ODAD2: variants seen among roughly 807,000 people sequenced by gnomAD.
ODAD2 encodes the protein outer dynein arm-docking complex subunit 2.
In ODAD2, 89 loss-of-function variants were observed where a neutral mutation model predicts 106.8. That is an observed-to-expected ratio of 0.83 (90% CI 0.70 to 0.99). The LOEUF (loss-of-function observed/expected upper bound fraction) is 0.99, where lower values mean the gene tolerates loss of function less well. Ranked by LOEUF, ODAD2 falls within the 50% of genes least tolerant of loss-of-function variation. The pLI is 0.00. For missense variants in ODAD2, 1,168 were observed against 1,238.5 expected (o/e 0.94, Z 0.85); for synonymous variants, 404 against 436.2 (o/e 0.93, Z 0.92).
intron 1 of ODAD2, 64 bp downstream of exon 1, chr10:27,998,930 G>A (rs915051378): frequency 6.4e-6 from 1 of 156,216 alleles, no homozygotes; most frequent in African/African-American, 2.4e-5. Context: ...CCTCCCCCGG[G>A]CGCCGCCGCC....
chr10:27,885,663 T>A (rs1385990298), intron 17 of ODAD2, among the ~76,000 whole-genome samples: 15 of 52,402 alleles, frequency 2.9e-4, no homozygotes, highest in East Asian at 1.4e-3. Flanking sequence ...TATAATATAT[T>A]ATATATAAAA....
chr10:27,924,614 G>GAAAAAAAAA (rs60226782), intron 16 of ODAD2, among the ~76,000 whole-genome samples: 12 of 12,650 alleles, frequency 9.5e-4, no homozygotes, highest in African/African-American at 2.1e-3. Context: ...TGATTAGGAG[G>GAAAAAAAAA]AAAAAAAAAA....
chr10:27,859,056 C>T (rs1589842035), intron 19 of ODAD2, among the ~76,000 whole-genome samples: 1 of 149,474 alleles, frequency 6.7e-6, no homozygotes. Context: ...TTTATAGTTT[C>T]TTTTTTTTTT....
intron 10 of ODAD2, among the ~76,000 whole-genome samples, chr10:27,950,332 G>C (rs907681786): frequency 6.6e-6 from 1 of 152,144 alleles, no homozygotes; most frequent in African/African-American, 2.4e-5. Context: ...GTATAACCAC[G>C]TGAGTCAAAG....
At chr10:27,860,299 A>G (rs1285534819) in intron 19 of ODAD2, among the ~76,000 whole-genome samples, 1 of 152,088 alleles carries the variant, frequency 6.6e-6, no homozygotes. Context: ...ACAAAATTAA[A>G]AGAATTAGCC....
intron 19 of ODAD2, among the ~76,000 whole-genome samples, chr10:27,854,697 A>T (rs1242220655): frequency 6.6e-6 from 1 of 152,198 alleles, no homozygotes; most frequent in African/African-American, 2.4e-5. Context: ...TAGAGGTTGC[A>T]GTGAGCCCAG....
chr10:27,822,552 C>A (rs1836695134), intron 19 of ODAD2, among the ~76,000 whole-genome samples: 1 of 152,210 alleles, frequency 6.6e-6, no homozygotes, highest in Admixed American at 6.5e-5. Flanking sequence ...TATGGAATGG[C>A]TTCCCAACTA....
chr10:27,904,890 C>G (rs1186297401), intron 17 of ODAD2: 1 of 152,174 alleles, frequency 6.6e-6, no homozygotes, highest in East Asian at 1.9e-4. Context: ...GGATGTCTTC[C>G]CACTCAAAAC....
At chr10:27,852,004 T>C (rs781757781) in intron 19 of ODAD2, among the ~76,000 whole-genome samples, 2 of 151,986 alleles carry the variant, frequency 1.3e-5, no homozygotes, top group Non-Finnish European at 2.9e-5. Flanking sequence ...ACAATGCAGG[T>C]GATAATAAAA....
At chr10:27,863,123 A>G (rs1276226184) in intron 17 of ODAD2, among the ~76,000 whole-genome samples, 1 of 152,162 alleles carries the variant, frequency 6.6e-6, no homozygotes, top group Non-Finnish European at 1.5e-5. Context: ...CTGATTTCAT[A>G]TATATTGTTC....
chr10:27,885,571 T>A lies in ODAD2; in HGVS notation c.2610+22092A>T, dbSNP rs1273425245. Among the ~76,000 whole-genome samples the A allele has an allele frequency of 4.4e-5, 3 of 67,716 alleles. 1 individual carries two copies. Among genetic ancestry groups the A allele is most frequent in the African/African-American group, 1.8e-4 (3 of 16,590 alleles). The allele number at this position is 67,716 out of a possible 152,430, so 44.4% of individuals were successfully genotyped here. A position where few individuals can be genotyped will look rare whatever the true frequency, so the allele number is the denominator to read the frequency against. ...ATAAATATATAAATATAAATATATATATATATAAATATATAAATATAAATA... is the reference window on the plus strand; with the variant it reads ...ATAAATATATAAATATAAATATATAAATATATAAATATATAAATATAAATA... On this transcript the variant is annotated intron_variant, in intron 17 of 19. Transcript: ENST00000305242.
At chr10:27,822,165 C>T (rs1286974985) in intron 19 of ODAD2, among the ~76,000 whole-genome samples, 1 of 152,196 alleles carries the variant, frequency 6.6e-6, no homozygotes, top group East Asian at 1.9e-4. Flanking sequence ...GTTCACATCT[C>T]CTGGAAGGTG....
chr10:27,983,226 A>C lies in ODAD2; in HGVS notation c.819+617T>G, dbSNP rs1849671282. Among the ~76,000 whole-genome samples, 4 of 152,124 alleles carry C rather than the reference A, an allele frequency of 2.6e-5. No homozygotes were observed. The South Asian group carries it at 8.3e-4, about 32-fold the overall frequency. On this transcript the variant is annotated intron_variant, in intron 6 of 19. Transcript: ENST00000305242. ...ATCACTATCAGTCATCCAGTGCTCC[A>C]TTTTCAAAGGTCCAGGTCCCAGCTC...
chr10:27,813,634 A>T (rs1013713374), intron 19 of ODAD2, among the ~76,000 whole-genome samples: 3 of 152,226 alleles, frequency 2.0e-5, no homozygotes, highest in African/African-American at 7.2e-5. Flanking sequence ...GGATGATTTG[A>T]TAAGCAAAGA....
chr10:27,984,729 G>A (rs907482695), intron 4 of ODAD2, among the ~76,000 whole-genome samples: 1 of 152,068 alleles, frequency 6.6e-6, no homozygotes, highest in African/African-American at 2.4e-5. Context: ...TTTAGAACTG[G>A]AATAAATGAA....
intron 19 of ODAD2, among the ~76,000 whole-genome samples, chr10:27,815,277 T>C (rs1382422280): frequency 1.3e-5 from 2 of 152,210 alleles, no homozygotes; most frequent in African/African-American, 4.8e-5. Flanking sequence ...CTTTCACCTC[T>C]TCCTTTCTAA....
intron 8 of ODAD2, 51 bp from the exon 9 acceptor site, chr10:27,969,069 T>C (rs1848659010): frequency 3.4e-6 from 2 of 589,856 alleles, no homozygotes; most frequent in Non-Finnish European, 6.2e-6. Flanking sequence ...TGCTAATTAA[T>C]AAAAAATAAA....
chr10:27,992,595 T>A (rs1443793555), intron 2 of ODAD2, among the ~76,000 whole-genome samples: 1 of 152,040 alleles, frequency 6.6e-6, no homozygotes, highest in African/African-American at 2.4e-5. Flanking sequence ...GGGGCTGAGG[T>A]GGGAGGATCC....
At chr10:27,859,873 C>A (rs369282975) in intron 19 of ODAD2, among the ~76,000 whole-genome samples, 2 of 152,262 alleles carry the variant, frequency 1.3e-5, no homozygotes, top group East Asian at 3.9e-4. Flanking sequence ...GTCTTTGAAT[C>A]TATCTATTGT....
Sources: gnomAD v4.1 joint callset for allele counts (sites outside exome capture counted in the v4.1 genomes callset) on GRCh38, gnomAD v4.1.1 for gene constraint, MANE v1.5 for transcripts, NCBI Gene and HGNC (gene_info 2026-07-23, HGNC 2026-07-21) for gene names.